The following ZNF521 variants were observed in gnomAD, a reference collection of about 807,000 sequenced individuals.
ZNF521 encodes the protein LYST-interacting protein 3.
Under a neutral mutation model 105.5 loss-of-function variants are expected in ZNF521, and 14 were observed. The ratio of observed to expected loss-of-function variants is 0.13; its 90% CI spans 0.09 to 0.21. The LOEUF (loss-of-function observed/expected upper bound fraction) is 0.21. Ranked by LOEUF, ZNF521 falls within the 10% of genes least tolerant of loss-of-function variation. The pLI is 1.00. For missense variants in ZNF521, 1,233 were observed against 1,629.7 expected, an observed-to-expected ratio of 0.76 and a Z score of 4.19; for synonymous variants, 635 against 606.0, an observed-to-expected ratio of 1.05 and a Z score of -0.70.
chr18:25,199,183 T>C (rs557988593), intron 4 of ZNF521, among the ~76,000 whole-genome samples: 1 of 152,000 alleles, frequency 6.6e-6, no homozygotes, highest in South Asian at 2.1e-4. Flanking sequence ...AGAATATTCT[T>C]TCAGAGAAAT....
chr18:25,099,081 T>C (rs1019837123), intron 5 of ZNF521, among the ~76,000 whole-genome samples: 2 of 152,176 alleles, frequency 1.3e-5, no homozygotes, highest in Admixed American at 6.5e-5. Flanking sequence ...CTATTCTTGC[T>C]ACAGTGCAAG....
intron 3 of ZNF521, among the ~76,000 whole-genome samples, chr18:25,264,850 G>T (rs113282189): frequency 6.6e-6 from 1 of 152,098 alleles, no homozygotes; most frequent in Non-Finnish European, 1.5e-5. Flanking sequence ...AAAGCTTCAG[G>T]AAGGAGGAGA....
chr18:25,184,755 C>T (rs1307272208), intron 5 of ZNF521, among the ~76,000 whole-genome samples: 1 of 152,054 alleles, frequency 6.6e-6, no homozygotes, highest in Non-Finnish European at 1.5e-5. Flanking sequence ...AACAGCCCAG[C>T]CTCAGAGAGA....
chr18:25,330,016 G>A (rs1306023736), intron 2 of ZNF521, among the ~76,000 whole-genome samples: 1 of 152,120 alleles, frequency 6.6e-6, no homozygotes, highest in Non-Finnish European at 1.5e-5. Context: ...ATGCTTGGTG[G>A]AGCCATTCCT....
intron 7 of ZNF521, 35 bp from the exon 8 acceptor site, chr18:25,062,776 A>AAAAAAAAAAG: frequency 7.2e-7 from 1 of 1,386,892 alleles, no homozygotes; most frequent in South Asian, 1.3e-5. Context: ...AAAAAAAAAA[A>AAAAAAAAAAG]AAAAAAAAAG....
chr18:25,143,300 A>G (rs2034884829), intron 5 of ZNF521, among the ~76,000 whole-genome samples: 1 of 150,806 alleles, frequency 6.6e-6, no homozygotes. Flanking sequence ...GAAATTTATT[A>G]TCATGTCAAG....
intron 2 of ZNF521, among the ~76,000 whole-genome samples, chr18:25,330,085 T>C (rs963767766): frequency 9.9e-5 from 15 of 152,154 alleles, no homozygotes; most frequent in African/African-American, 3.6e-4. Flanking sequence ...TTACCCATAT[T>C]CTCACTTACC....
chr18:25,074,517 A>AC (rs2033312541), intron 7 of ZNF521, among the ~76,000 whole-genome samples: 1 of 151,640 alleles, frequency 6.6e-6, no homozygotes, highest in East Asian at 1.9e-4. Context: ...ATCCCTCCCC[A>AC]CCCCCTAAAA....
intron 3 of ZNF521, among the ~76,000 whole-genome samples, chr18:25,303,713 T>C (rs1911796900): frequency 6.6e-6 from 1 of 152,188 alleles, no homozygotes; most frequent in South Asian, 2.1e-4. Flanking sequence ...TCTAAGCTCA[T>C]AGATCAAATC....
chr18:25,180,999 T>C (rs28508183), intron 5 of ZNF521, among the ~76,000 whole-genome samples: 1 of 152,036 alleles, frequency 6.6e-6, no homozygotes, highest in Non-Finnish European at 1.5e-5. Context: ...TCAGCAGGTT[T>C]ACTCCAGATT....
At chr18:25,214,290 G>C (rs1015837103) in intron 4 of ZNF521, among the ~76,000 whole-genome samples, 2 of 151,974 alleles carry the variant, frequency 1.3e-5, no homozygotes, top group African/African-American at 4.8e-5. Context: ...TCTCCTATTA[G>C]CTTTTTAACT....
intron 2 of ZNF521, among the ~76,000 whole-genome samples, chr18:25,332,170 T>C (rs1014939170): frequency 1.3e-5 from 2 of 151,918 alleles, no homozygotes; most frequent in Non-Finnish European, 2.9e-5. Flanking sequence ...GAAAACAGAT[T>C]TTTTTCTTTT....
intron 5 of ZNF521, among the ~76,000 whole-genome samples, chr18:25,134,138 C>T (rs1600077729): frequency 2.6e-5 from 4 of 152,238 alleles, no homozygotes; most frequent in Admixed American, 2.6e-4. Flanking sequence ...AGCTGCCTTA[C>T]CTCTTGTATC....
In ZNF521 at chr18:25,345,172, T is replaced by C. The variant is rs1280031194; in HGVS notation, c.40+5735A>G. ...GGCAGGTACAAATGTTCCTCTAAGG[T>C]GAAAAGAAATCTCCTACAAATATGC... On this transcript the variant is annotated intron_variant, in intron 2 of 7. Coordinates refer to ENST00000361524, the MANE Select transcript of ZNF521 (RefSeq NM_015461.3). The C allele has an allele frequency of 2.6e-5, 4 of 152,166 alleles. No homozygotes were observed. In the Middle Eastern group the frequency reaches 0.014, roughly 521 times the overall value. 9.4% of individuals were successfully genotyped at this position (152,166 alleles called of 1,614,324 possible).
intron 5 of ZNF521, among the ~76,000 whole-genome samples, chr18:25,121,200 C>CTCCCAGGT (rs1242151724): frequency 2.0e-5 from 3 of 149,742 alleles, no homozygotes; most frequent in Non-Finnish European, 4.4e-5. Context: ...CAAACTCCGC[C>CTCCCAGGT]TCCCAGGTTC....
At chr18:25,148,297 T>G (rs1567982722) in intron 5 of ZNF521, among the ~76,000 whole-genome samples, 2 of 152,170 alleles carry the variant, frequency 1.3e-5, no homozygotes. Context: ...CATTCTTAGT[T>G]ATCCTGATTG....
intron 4 of ZNF521, among the ~76,000 whole-genome samples, chr18:25,209,074 T>A (rs764904794): frequency 8.5e-5 from 13 of 152,212 alleles, no homozygotes; most frequent in Non-Finnish European, 1.9e-4. Context: ...GGCGTATCTT[T>A]GTGTTGAAAT....
chr18:25,253,345 G>A (rs546172463), intron 3 of ZNF521, among the ~76,000 whole-genome samples: 170 of 152,156 alleles, frequency 1.1e-3, no homozygotes, highest in African/African-American at 3.8e-3. Flanking sequence ...CCATTTATTT[G>A]CACTGCCACA....
At chr18:25,148,088 C>T (rs1334018641) in intron 5 of ZNF521, among the ~76,000 whole-genome samples, 1 of 152,118 alleles carries the variant, frequency 6.6e-6, no homozygotes, top group East Asian at 1.9e-4. Flanking sequence ...GGAGGCCAAT[C>T]TGAAGGCTTT....
Sources: gnomAD v4.1 joint callset for allele counts (sites outside exome capture counted in the v4.1 genomes callset) on GRCh38, gnomAD v4.1.1 for gene constraint, MANE v1.5 for transcripts, NCBI Gene and HGNC (gene_info 2026-07-23, HGNC 2026-07-21) for gene names.